The following WDR62 variants were observed in gnomAD, a reference collection of about 807,000 sequenced individuals.
WDR62 encodes the protein WD repeat domain 62, also known as WD repeat-containing protein 62.
A neutral mutation model predicts 160.6 loss-of-function variants in WDR62; 112 were observed. The observed-to-expected ratio is 0.70, with a 90% CI of 0.60 to 0.82. The LOEUF (loss-of-function observed/expected upper bound fraction) is 0.82. Among genes scored for constraint, WDR62 ranks in the 40% least tolerant of loss-of-function variants. The pLI is 0.00. For synonymous variants in WDR62, 792 were observed against 815.1 expected (o/e 0.97, Z 0.48); for missense variants, 1,819 against 1,983.8 (o/e 0.92, Z 1.58).
intron 9 of WDR62, among the ~76,000 whole-genome samples, chr19:36,076,947 A>T (rs540363944): frequency 1.3e-5 from 2 of 152,200 alleles, no homozygotes; most frequent in East Asian, 3.9e-4. Flanking sequence ...GGGGAATTAT[A>T]TATGTGTGTA....
Position 36,066,258 on chromosome 19 carries a change from A to G in WDR62, c.392A>G (p.Asn131Ser), listed in dbSNP as rs764842204. Residue 131 changes from asparagine (N) to serine (S), a missense_variant and splice_region_variant, in exon 5 of 32, where the codon AAT becomes AGT. By Grantham distance (46) the Asn-to-Ser change is conservative. Coordinates refer to ENST00000401500, the MANE Select transcript of WDR62 (RefSeq NM_001083961.2). ...CAGTAACGACCCCACCTTCCCTAGA[A>G]TGGGCATAGGCCTGCTGTGCGCATC... ...PDGKYIVTGE[N>S]GHRPAVRIWD... The G allele has an allele frequency of 6.2e-7, 1 of 1,614,046 alleles. No individual in the cohort carries two copies. The highest frequency in any genetic ancestry group is 8.5e-7 in the Non-Finnish European group (1 of 1,180,040).
At chr19:36,084,913 T>G (rs539366528) in intron 12 of WDR62, among the ~76,000 whole-genome samples, 169 bp downstream of exon 12, 45 of 152,100 alleles carry the variant, frequency 3.0e-4, no homozygotes, top group African/African-American at 1.1e-3. Context: ...GGCTGGGACT[T>G]CAGAAAGCAA....
intron 19 of WDR62, among the ~76,000 whole-genome samples, 167 bp downstream of exon 19, chr19:36,092,978 T>G (rs1273816738): frequency 6.6e-6 from 1 of 152,186 alleles, no homozygotes; most frequent in Non-Finnish European, 1.5e-5. Flanking sequence ...CAGTAATAGA[T>G]ACAAAAAGGT....
chr19:36,066,407 C>T lies in WDR62; in HGVS notation c.541C>T (p.Leu181Phe). The T allele has an allele frequency of 6.2e-7, 1 of 1,607,114 alleles. No homozygotes were observed. Among genetic ancestry groups the T allele is most frequent in the Non-Finnish European group, 8.5e-7 (1 of 1,176,814 alleles). Reference protein sequence around the residue: ...VSMGYQHDMVLNVWDWKKDIV... With the variant: ...VSMGYQHDMVFNVWDWKKDIV... ...CATGGGCTACCAACATGACATGGTG[C>T]TCAACGTCTGGGACTGGAAGGTAAG... The change falls in exon 5 of 32, where the codon CTC (leucine) becomes TTC (phenylalanine). Residue 181 changes from leucine to phenylalanine, a missense_variant. Coordinates refer to ENST00000401500, the MANE Select transcript of WDR62 (RefSeq NM_001083961.2).
Position 36,091,201 on chromosome 19 carries a change from T to G in WDR62, c.2036T>G (p.Val679Gly), listed in dbSNP as rs760405008. The G allele has an allele frequency of 6.2e-7, 1 of 1,612,072 alleles. No homozygotes were observed. The highest frequency in any genetic ancestry group is 8.5e-7 in the Non-Finnish European group (1 of 1,179,878). ...ACATGTGGGTCCCTTTCCTGGCAGG[T>G]CCATGTGGACCCCTCAGGCACCTTC... is the stretch of plus-strand genomic sequence containing the variant. ...SQGDEGSLLK[V>G]HVDPSGTFLA... The change falls in exon 17 of 32, where the codon GTC (valine) becomes GGC (glycine). Residue 679 changes from valine (V) to glycine (G), a missense_variant and splice_region_variant. Val to Gly is a moderately radical substitution (Grantham distance 109). Coordinates refer to ENST00000401500, the MANE Select transcript of WDR62 (RefSeq NM_001083961.2).
Position 36,073,538 on chromosome 19 carries a change from C to T in WDR62, c.1233+7C>T, listed in dbSNP as rs537771936. 15 of 1,097,218 alleles carry T rather than the reference C, an allele frequency of 1.4e-5. No homozygotes were observed. The highest frequency in any genetic ancestry group is 2.1e-4 in the Middle Eastern group (1 of 4,652). The allele number at this position is 1,097,218 out of a possible 1,614,324, so 68.0% of individuals were successfully genotyped here. On this transcript the variant is annotated splice_region_variant and intron_variant, in intron 9 of 31. Coordinates refer to ENST00000401500, the MANE Select transcript of WDR62 (RefSeq NM_001083961.2). ...CTACGTTTGGAACGTGGAGGTGAGC[C>T]CCCCCCCCACCCCCTTGCCCCTGCT... is the stretch of plus-strand genomic sequence containing the variant.
At chr19:36,092,266 G>C (rs982922466) in intron 18 of WDR62, among the ~76,000 whole-genome samples, 1 of 150,294 alleles carries the variant, frequency 6.7e-6, no homozygotes, top group Non-Finnish European at 1.5e-5. Flanking sequence ...AGCTGAGATC[G>C]CGTCACTGCA....
rs1228998070 is a variant in WDR62 at position 36,103,074 on chromosome 19, C to T, written c.3462C>T (p.His1154=). ...GCTACGCCTCCCCAGACAGGACCCA[C>T]GTGAGTATTGGGCCCACCTCCGTCA... The part of the protein sequence containing the change: ...GTGYASPDRT[H]VLAAGKAEET... The change falls in exon 28 of 32, where the codon CAC becomes CAT. Residue 1154 remains histidine, a splice_region_variant and synonymous_variant. Transcript: ENST00000401500. 19 of 1,613,928 alleles carry T rather than the reference C, an allele frequency of 1.2e-5. No homozygotes were observed. The highest frequency in any genetic ancestry group is 3.3e-5 in the South Asian group (3 of 91,092).
In WDR62 at chr19:36,063,324, G is replaced by A. The variant is rs190957500; in HGVS notation, c.333-2634G>A. Reference sequence around the variant, plus strand: ...GAGTGCAGTGGGGCGATCTTGGCTCGCTGCAGCCTCCACCTCCTGGGTTCA... The same window carrying A: ...GAGTGCAGTGGGGCGATCTTGGCTCACTGCAGCCTCCACCTCCTGGGTTCA... On this transcript the variant is annotated intron_variant, in intron 3 of 31. Transcript: ENST00000401500. 8.2e-4 allele frequency among the ~76,000 whole-genome samples: 125 copies of A among 151,744 alleles called. 1 individual carries two copies. The highest frequency in any genetic ancestry group is 2.6e-3 in the African/African-American group (107 of 41,350).
chr19:36,077,915 A>C (rs1971669761), intron 9 of WDR62, among the ~76,000 whole-genome samples: 1 of 151,876 alleles, frequency 6.6e-6, no homozygotes, highest in Admixed American at 6.6e-5. Flanking sequence ...CTTATAAGTG[A>C]AATCATAGAC....
chr19:36,081,998 A>T (rs1568345826), intron 10 of WDR62: 3 of 370,166 alleles, frequency 8.1e-6, no homozygotes, highest in Non-Finnish European at 1.6e-5. Context: ...GCTGGGAAGA[A>T]AAGTTTGCTG....
Position 36,092,779 on chromosome 19 carries a change from C to G in WDR62, c.2301C>G (p.His767Gln), listed in dbSNP as rs1273557271. Residue 767 changes from histidine to glutamine, a missense_variant, in exon 19 of 32, where the codon CAC becomes CAG. This residue lies in a region of WDR62 where 934 missense variants were observed against 1,157.2 expected (regional missense o/e 0.81). Coordinates refer to ENST00000401500, the MANE Select transcript of WDR62 (RefSeq NM_001083961.2). ...TTGACCACCGGCAGCAGCAGCAGCACACAAATGACAAGAAGCGGAGTGGCC... is the reference window on the plus strand; with the variant it reads ...TTGACCACCGGCAGCAGCAGCAGCAGACAAATGACAAGAAGCGGAGTGGCC... ...LEIDHRQQQQ[H>Q]TNDKKRSGHP... 1 of 1,614,148 alleles carries G rather than the reference C, an allele frequency of 6.2e-7. No homozygotes were observed. The highest frequency in any genetic ancestry group is 8.5e-7 in the Non-Finnish European group (1 of 1,180,002).
At position 36,094,033 on chromosome 19, in the gene WDR62, A is replaced by G. The variant is rs757751134; in HGVS notation, c.2336A>G (p.Gln779Arg). The change falls in exon 20 of 32, where the codon CAG (glutamine) becomes CGG (arginine). Residue 779 changes from glutamine (Q) to arginine (R), a missense_variant and splice_region_variant. By Grantham distance (43) the Gln-to-Arg change is conservative (BLOSUM62 1). This residue lies in a region of WDR62 where 934 missense variants were observed against 1,157.2 expected (regional missense o/e 0.81). Transcript: ENST00000401500. Reference sequence around the variant, plus strand: ...ACCATCCTCATTCCTGGCTTTAGGCAGGATACGTATGTGTCCACACCTAGT... The same window carrying G: ...ACCATCCTCATTCCTGGCTTTAGGCGGGATACGTATGTGTCCACACCTAGT... Reference protein sequence around the residue: ...NDKKRSGHPRQDTYVSTPSEI... With the variant: ...NDKKRSGHPRRDTYVSTPSEI... 2.5e-6 allele frequency: 4 copies of G among 1,613,870 alleles called. No homozygotes were observed. The highest frequency in any genetic ancestry group is 2.2e-5 in the South Asian group (2 of 91,066).
At chr19:36,064,662 C>G (rs1390940556) in intron 3 of WDR62, among the ~76,000 whole-genome samples, 1 of 152,130 alleles carries the variant, frequency 6.6e-6, no homozygotes, top group Non-Finnish European at 1.5e-5. Context: ...GCTGCAACCT[C>G]TGCCTCCCGG....
intron 3 of WDR62, chr19:36,061,634 G>GTGGGTGGCC (rs1331410589): frequency 6.6e-6 from 1 of 152,186 alleles, no homozygotes; most frequent in East Asian, 1.9e-4. Flanking sequence ...AGGCAGTGGA[G>GTGGGTGGCC]TGGGTGGCCT....
At chr19:36,104,079 T>A in intron 30 of WDR62, 98 bp downstream of exon 30, 1 of 1,458,696 alleles carries the variant, frequency 6.9e-7, no homozygotes, top group Non-Finnish European at 9.4e-7. Flanking sequence ...CCACAGGGAC[T>A]GTGCCATTCA....
chr19:36,074,844 G>C (rs1354388714), intron 9 of WDR62, among the ~76,000 whole-genome samples: 1 of 152,178 alleles, frequency 6.6e-6, no homozygotes, highest in Non-Finnish European at 1.5e-5. Context: ...AGTCCACATT[G>C]ATGACTTCCC....
chr19:36,110,117 T>C, the WDR62 span, among the ~76,000 whole-genome samples: 1 of 151,742 alleles, frequency 6.6e-6, no homozygotes, highest in African/African-American at 2.4e-5. Context: ...AAGAATCAAG[T>C]GTAAAACAGC....
chr19:36,103,041 A>C lies in WDR62; in HGVS notation c.3429A>C (p.Ala1143=). 6.2e-7 allele frequency: 1 copy of C among 1,614,120 alleles called. No individual in the cohort carries two copies. The highest frequency in any genetic ancestry group is 1.1e-5 in the South Asian group (1 of 91,088). ...ACCGAGGCGGAAGCCAGCCCAGAGCAGGTACTGGCTACGCCTCCCCAGACA... is the reference window on the plus strand; with the variant it reads ...ACCGAGGCGGAAGCCAGCCCAGAGCCGGTACTGGCTACGCCTCCCCAGACA... ...LMDRGGSQPR[A]GTGYASPDRT... is the part of the protein sequence containing the mutation. Residue 1143 remains alanine, a synonymous_variant, in exon 28 of 32, where the codon GCA becomes GCC. Transcript: ENST00000401500.
Sources: allele counts gnomAD v4.1 joint callset (sites outside exome capture counted in the v4.1 genomes callset), GRCh38; gene constraint gnomAD v4.1.1; regional missense constraint gnomAD v4.1.1; transcripts MANE v1.5; gene names NCBI Gene and HGNC (gene_info 2026-07-23, HGNC 2026-07-21).